The following SNED1 variants were observed in gnomAD, a reference collection of about 807,000 sequenced individuals.
SNED1 encodes the protein sushi, nidogen and EGF like domains 1, also known as sushi, nidogen and EGF-like domain-containing protein 1.
SNED1 carries 81 observed loss-of-function variants against 166.7 expected under a neutral mutation model. The ratio of observed to expected loss-of-function variants is 0.49; its 90% confidence interval spans 0.41 to 0.58. SNED1 has a LOEUF of 0.58. Among genes scored for constraint, SNED1 ranks in the 20% least tolerant of loss-of-function variants. SNED1 has a pLI of 0.00. For synonymous variants in SNED1, 762 were observed against 822.0 expected (o/e 0.93, Z 1.25); for missense variants, 1,604 against 2,000.2 (o/e 0.80, Z 3.78).
At chr2:241,053,731 C>T (rs1199600506) in intron 16 of SNED1, among the ~76,000 whole-genome samples, 1 of 152,170 alleles carries the variant, frequency 6.6e-6, no homozygotes, top group South Asian at 2.1e-4. Context: ...CCCCCTTCCC[C>T]CTGCAGGCAT....
In SNED1 at chr2:241,030,298, G is replaced by C. The variant is rs754937777; in HGVS notation, c.228G>C (p.Gly76=). ...EHSGLYVNNN[G]IISFLKEVSQ... is the part of the protein sequence containing the mutation. ...CTGCCTCCCAGGTGAACAACAACGGGATCATCTCCTTCCTGAAGGAGGTTT... is the reference window on the plus strand; with the variant it reads ...CTGCCTCCCAGGTGAACAACAACGGCATCATCTCCTTCCTGAAGGAGGTTT... Residue 76 remains glycine, a synonymous_variant, in exon 2 of 32, where the codon GGG becomes GGC. Transcript: ENST00000310397. 1 of 1,592,602 alleles carries C rather than the reference G, an allele frequency of 6.3e-7. No homozygotes were observed. Among genetic ancestry groups the C allele is most frequent in the Non-Finnish European group, 8.6e-7 (1 of 1,167,494 alleles).
intron 6 of SNED1, among the ~76,000 whole-genome samples, chr2:241,039,669 C>T (rs1249407058): frequency 6.6e-6 from 1 of 152,152 alleles, no homozygotes; most frequent in East Asian, 1.9e-4. Context: ...GCCACTCCTA[C>T]ACCCTGGGTG....
intron 31 of SNED1, chr2:241,089,342 A>C: frequency 6.4e-7 from 1 of 1,550,654 alleles, no homozygotes; most frequent in South Asian, 1.2e-5. Flanking sequence ...CCACTTCAAA[A>C]CAGGTCTATG....
chr2:241,075,042 T>G lies in SNED1; in HGVS notation c.3916+1678T>G, dbSNP rs1575079913. Reference sequence around the variant, plus strand: ...GTGATCGTTAGACCTGTGTTTTCACTCCGCATTCTCGGACTGAGGTTGGCC... The same window carrying G: ...GTGATCGTTAGACCTGTGTTTTCACGCCGCATTCTCGGACTGAGGTTGGCC... On this transcript the variant is annotated intron_variant, in intron 27 of 31. Transcript: ENST00000310397. This position sits in a 1 kb window ranked among gnomAD's most constrained non-coding sequence, Gnocchi z 4.8. 2 of 152,226 alleles carry G rather than the reference T, an allele frequency of 1.3e-5. No homozygotes were observed. The highest frequency in any genetic ancestry group is 6.5e-5 in the Admixed American group (1 of 15,274). 9.4% of individuals were successfully genotyped at this position (152,226 alleles called of 1,614,324 possible).
At chr2:241,078,841 C>T (rs1167814174) in intron 27 of SNED1, among the ~76,000 whole-genome samples, 11 of 151,892 alleles carry the variant, frequency 7.2e-5, no homozygotes, top group African/African-American at 2.2e-4. Context: ...AGGCCAGGCA[C>T]GGTGGCTCAT....
intron 8 of SNED1, 51 bp from the exon 9 acceptor site, chr2:241,048,264 C>A: frequency 1.3e-6 from 2 of 1,529,366 alleles, no homozygotes; most frequent in South Asian, 1.3e-5. Context: ...GGGGAGACCA[C>A]TCTCCCCACA....
intron 31 of SNED1, chr2:241,090,290 T>A: frequency 1.3e-6 from 2 of 1,547,428 alleles, no homozygotes; most frequent in Non-Finnish European, 1.7e-6. Flanking sequence ...AGGGGCAGGA[T>A]CATCCATGTC....
chr2:241,033,263 G>GT (rs1396184860), intron 2 of SNED1, among the ~76,000 whole-genome samples: 1 of 152,102 alleles, frequency 6.6e-6, no homozygotes, highest in Non-Finnish European at 1.5e-5. Context: ...CTCATCTGGC[G>GT]TACCTCATCT....
At chr2:241,023,265 T>C (rs1014536299) in intron 1 of SNED1, among the ~76,000 whole-genome samples, 26 of 152,196 alleles carry the variant, frequency 1.7e-4, no homozygotes, top group Non-Finnish European at 2.2e-4. Context: ...CCTCACAAGT[T>C]TTTGCTAAAT....
rs983338420 is a variant in SNED1, at chr2:241,094,302, C to T, written c.*2666C>T. On this transcript the variant is annotated 3_prime_UTR_variant, in exon 32 of 32. Transcript: ENST00000310397. The surrounding 1 kb of genome is among the most constrained non-coding windows in gnomAD (Gnocchi z 4.3). ...CTCCTGCACCTCCCCTTAGCAGGAACTCCTTCCACTGGCAAAGGACTGCCA... is the reference window on the plus strand; with the variant it reads ...CTCCTGCACCTCCCCTTAGCAGGAATTCCTTCCACTGGCAAAGGACTGCCA... The T allele has an allele frequency of 3.2e-5, 15 of 469,600 alleles. No individual in the cohort carries two copies. Among genetic ancestry groups the T allele is most frequent in the East Asian group, 6.9e-5 (1 of 14,406 alleles). The allele number at this position is 469,600 out of a possible 1,614,324, so 29.1% of individuals were successfully genotyped here. A position where few individuals can be genotyped will look rare whatever the true frequency, so the allele number is the denominator to read the frequency against.
intron 6 of SNED1, among the ~76,000 whole-genome samples, chr2:241,039,641 C>G (rs59387730): frequency 0.083 from 12,564 of 152,176 alleles, 688 homozygotes; most frequent in East Asian, 0.19. Flanking sequence ...CTGCCCCACC[C>G]AGCCTCTCGC....
At chr2:241,044,961 A>T (rs1249122144) in intron 8 of SNED1, among the ~76,000 whole-genome samples, 2 of 152,230 alleles carry the variant, frequency 1.3e-5, no homozygotes, top group African/African-American at 4.8e-5. Context: ...GAATCTTGGG[A>T]CAGCAACTCC....
In SNED1 at chr2:241,052,416, G is replaced by A. The variant is rs1329044475; in HGVS notation, c.2031G>A (p.Thr677=). 33 of 1,606,570 alleles carry A rather than the reference G, an allele frequency of 2.1e-5. No homozygotes were observed. The highest frequency in any genetic ancestry group is 2.6e-5 in the Non-Finnish European group (31 of 1,176,280). The change falls in exon 15 of 32, where the codon ACG becomes ACA. Residue 677 remains threonine, a synonymous_variant. Coordinates refer to ENST00000310397, the MANE Select transcript of SNED1 (RefSeq NM_001080437.3). ...GGGGCACCTGCGAGGACCGGGACAC[G>A]GATTTCTTCTGCCACTGCCAAGCAG... The part of the protein sequence containing the change: ...VNGGTCEDRD[T]DFFCHCQAGY...
intron 4 of SNED1, 84 bp downstream of exon 4, chr2:241,034,814 C>T (rs1482626203): frequency 2.1e-6 from 3 of 1,399,768 alleles, no homozygotes; most frequent in African/African-American, 2.9e-5. Flanking sequence ...ACGAAGGGGG[C>T]TGGATGCTGA....
intron 1 of SNED1, among the ~76,000 whole-genome samples, chr2:241,025,185 G>A (rs959477125): frequency 6.6e-6 from 1 of 152,144 alleles, no homozygotes; most frequent in Non-Finnish European, 1.5e-5. Context: ...TCTAATAGGA[G>A]CACAAACCCT....
chr2:241,090,196 T>A (rs937994854), intron 31 of SNED1: 11 of 1,469,194 alleles, frequency 7.5e-6, no homozygotes, highest in Non-Finnish European at 9.0e-6. Context: ...CTTTTCTCTG[T>A]TTTTAAAATT....
At chr2:241,000,180 A>G (rs569661383) in intron 1 of SNED1, among the ~76,000 whole-genome samples, 1 of 152,062 alleles carries the variant, frequency 6.6e-6, no homozygotes, top group Admixed American at 6.6e-5. Context: ...CATCCTCTGC[A>G]TGGTTGTCAT....
chr2:241,070,437 T>G (rs2062649562), intron 24 of SNED1, among the ~76,000 whole-genome samples: 2 of 152,196 alleles, frequency 1.3e-5, no homozygotes, highest in South Asian at 4.1e-4. Context: ...ACATTGAGCC[T>G]CAGTTTGTGC....
intron 1 of SNED1, among the ~76,000 whole-genome samples, chr2:241,009,799 A>G (rs1247089018): frequency 8.0e-6 from 1 of 125,504 alleles, no homozygotes; most frequent in African/African-American, 5.8e-5. Flanking sequence ...CTTCTGTCCC[A>G]TGTGTGTTTC....
Sources: allele counts gnomAD v4.1 joint callset (sites outside exome capture counted in the v4.1 genomes callset), GRCh38; gene constraint gnomAD v4.1.1; non-coding constraint Gnocchi (gnomAD v3.1); transcripts MANE v1.5; gene names NCBI Gene and HGNC (gene_info 2026-07-23, HGNC 2026-07-21).